The following GALNTL6 variants were observed in gnomAD, a reference collection of about 807,000 sequenced individuals.
GALNTL6 encodes polypeptide N-acetylgalactosaminyltransferase like 6, also known as polypeptide N-acetylgalactosaminyltransferase-like 6.
In GALNTL6, 46 loss-of-function variants were observed where a neutral mutation model predicts 73.7. That is an observed-to-expected ratio of 0.62 (90% confidence interval 0.49 to 0.80). The LOEUF (loss-of-function observed/expected upper bound fraction) is 0.80, where lower values mean the gene tolerates loss of function less well. GALNTL6 is among the 30% of genes least tolerant of loss of function. GALNTL6 has a pLI of 0.00. For synonymous variants in GALNTL6, 259 were observed against 263.7 expected (o/e 0.98, Z 0.17); for missense variants, 604 against 755.0 (o/e 0.80, Z 2.34).
intron 5 of GALNTL6, among the ~76,000 whole-genome samples, chr4:172,637,973 A>G (rs1319879344): frequency 5.3e-5 from 8 of 152,158 alleles, no homozygotes. Context: ...TTCAGGAACC[A>G]TCATCAGAAG....
At chr4:172,254,766 A>T (rs974520824) in intron 3 of GALNTL6, among the ~76,000 whole-genome samples, 2 of 151,724 alleles carry the variant, frequency 1.3e-5, no homozygotes, top group Non-Finnish European at 3.0e-5. Flanking sequence ...TATCAACTCC[A>T]TGTAAGTCTG....
At chr4:172,004,980 T>G (rs1412045679) in intron 2 of GALNTL6, among the ~76,000 whole-genome samples, 2 of 152,118 alleles carry the variant, frequency 1.3e-5, no homozygotes, top group Non-Finnish European at 2.9e-5. Flanking sequence ...TAATTCTTGC[T>G]TAAGTTCTTT....
At chr4:172,745,144 G>T (rs1229825270) in intron 5 of GALNTL6, among the ~76,000 whole-genome samples, 1 of 151,746 alleles carries the variant, frequency 6.6e-6, no homozygotes, top group African/African-American at 2.4e-5. Flanking sequence ...AATAGGGAAA[G>T]CTGGGATAAA....
At chr4:171,958,920 G>A (rs1739134584) in intron 2 of GALNTL6, among the ~76,000 whole-genome samples, 1 of 151,970 alleles carries the variant, frequency 6.6e-6, no homozygotes, top group South Asian at 2.1e-4. Flanking sequence ...ATGTCAAAAA[G>A]TATCTTATAA....
At chr4:171,882,725 C>G (rs777223860) in intron 2 of GALNTL6, among the ~76,000 whole-genome samples, 2 of 152,322 alleles carry the variant, frequency 1.3e-5, no homozygotes, top group Non-Finnish European at 2.9e-5. Flanking sequence ...CTTCTTCTGC[C>G]TGCTTGATTC....
At chr4:172,066,532 G>A (rs1376225549) in intron 2 of GALNTL6, among the ~76,000 whole-genome samples, 1 of 118,390 alleles carries the variant, frequency 8.4e-6, no homozygotes, top group African/African-American at 2.9e-5. Context: ...TGTCTGACCT[G>A]GACTTTTTTT....
chr4:172,208,590 G>A (rs949106569), intron 2 of GALNTL6, among the ~76,000 whole-genome samples: 5 of 152,034 alleles, frequency 3.3e-5, no homozygotes, highest in Admixed American at 6.6e-5. Flanking sequence ...CGCAAAGCTG[G>A]GAGGCGTTGT....
chr4:172,193,484 A>G (rs1331371223), intron 2 of GALNTL6, among the ~76,000 whole-genome samples: 3 of 152,130 alleles, frequency 2.0e-5, no homozygotes, highest in Non-Finnish European at 4.4e-5. Context: ...AACAACAACA[A>G]CAACAACATC....
intron 8 of GALNTL6, among the ~76,000 whole-genome samples, chr4:172,900,299 TA>T (rs1382017675): frequency 1.6e-4 from 24 of 149,206 alleles, no homozygotes; most frequent in African/African-American, 6.2e-4. Context: ...AAAAATCAAA[TA>T]AATTACCCAA....
rs558992235 is a variant in GALNTL6, at chr4:172,072,342, T to A, written c.139-157314T>A. Reference sequence around the variant, plus strand: ...AGTGACTAAGGTTTGGTCCTTAGGGTTTTTTTCTACTTATCTTTTTAATAC... The same window carrying A: ...AGTGACTAAGGTTTGGTCCTTAGGGATTTTTTCTACTTATCTTTTTAATAC... On this transcript the variant is annotated intron_variant, in intron 2 of 12. Coordinates refer to ENST00000506823, the MANE Select transcript of GALNTL6 (RefSeq NM_001034845.3). Among the ~76,000 whole-genome samples the A allele has an allele frequency of 5.3e-5, 8 of 152,188 alleles. No homozygotes were observed. The South Asian group carries it at 1.2e-3, about 24-fold the overall frequency.
intron 5 of GALNTL6, among the ~76,000 whole-genome samples, chr4:172,616,660 G>A (rs963524347): frequency 6.6e-6 from 1 of 151,238 alleles, no homozygotes; most frequent in African/African-American, 2.4e-5. Flanking sequence ...CAGAACCTGA[G>A]TGTTCTATTT....
At chr4:172,498,600 C>T (rs934502168) in intron 5 of GALNTL6, among the ~76,000 whole-genome samples, 14 of 151,900 alleles carry the variant, frequency 9.2e-5, no homozygotes, top group Admixed American at 3.9e-4. Context: ...AGAGTAAATA[C>T]GAGTTTTAAA....
chr4:171,855,692 A>G (rs1352752768), intron 2 of GALNTL6, among the ~76,000 whole-genome samples: 1 of 151,372 alleles, frequency 6.6e-6, no homozygotes, highest in Non-Finnish European at 1.5e-5. Flanking sequence ...CGGCCAAACT[A>G]TCTTTCAAAA....
In GALNTL6 at chr4:171,884,258, G is replaced by A. The variant is rs566183100; in HGVS notation, c.138+69540G>A. ...TCTATGGCCAAATATTTTTCCTAAA[G>A]CATTGAAAGATCTCATGCTTAGACT... is the stretch of plus-strand genomic sequence containing the variant. On this transcript the variant is annotated intron_variant, in intron 2 of 12. Transcript: ENST00000506823. 5.7e-4 allele frequency among the ~76,000 whole-genome samples: 86 copies of A among 152,088 alleles called. 1 individual carries two copies. The highest frequency in any genetic ancestry group is 4.2e-4 in the South Asian group (2 of 4,818).
chr4:172,692,214 C>T (rs1733350641), intron 5 of GALNTL6, among the ~76,000 whole-genome samples: 1 of 152,034 alleles, frequency 6.6e-6, no homozygotes. Context: ...TAATTTGATA[C>T]TCTGCATTTT....
rs2111078080 is a variant in GALNTL6 at position 172,624,133 on chromosome 4, C to A, written c.554-185228C>A. On this transcript the variant is annotated intron_variant, in intron 5 of 12. Transcript: ENST00000506823. ...ATATATCACTGTGTTGATCAGCACA[C>A]TTTTTCTTACAAGAACATAAACTCT... 2.0e-5 allele frequency among the ~76,000 whole-genome samples: 3 copies of A among 152,130 alleles called. No individual in the cohort carries two copies. In the South Asian group the frequency reaches 6.2e-4, roughly 32 times the overall value.
At chr4:172,102,209 A>T (rs192380254) in intron 2 of GALNTL6, among the ~76,000 whole-genome samples, 2 of 152,306 alleles carry the variant, frequency 1.3e-5, no homozygotes, top group Admixed American at 1.3e-4. Context: ...ATTCGAATGT[A>T]ATTTATTTAA....
chr4:172,382,032 C>T (rs1240612249), intron 5 of GALNTL6, among the ~76,000 whole-genome samples: 3 of 152,180 alleles, frequency 2.0e-5, no homozygotes, highest in Non-Finnish European at 4.4e-5. Flanking sequence ...TGCAATGGCA[C>T]GATCTTGGCT....
chr4:173,036,346 C>T (rs1187279932), intron 12 of GALNTL6, among the ~76,000 whole-genome samples: 13 of 152,178 alleles, frequency 8.5e-5, no homozygotes, highest in African/African-American at 2.9e-4. Context: ...TCAGAGCCTA[C>T]AGGACTATGG....
Sources: allele counts gnomAD v4.1 joint callset (sites outside exome capture counted in the v4.1 genomes callset), GRCh38; gene constraint gnomAD v4.1.1; transcripts MANE v1.5; gene names NCBI Gene and HGNC (gene_info 2026-07-23, HGNC 2026-07-21).